ALPK2: variants seen among roughly 807,000 people sequenced by gnomAD.
ALPK2 encodes alpha kinase 2.
In ALPK2, 127 loss-of-function variants were observed where a neutral mutation model predicts 163.1. The ratio of observed to expected loss-of-function variants is 0.78; its 90% confidence interval spans 0.67 to 0.90. The LOEUF (loss-of-function observed/expected upper bound fraction) is 0.90. ALPK2 is among the 40% of genes least tolerant of loss of function. The pLI is 0.00. For missense variants in ALPK2, 2,360 were observed against 2,589.6 expected (o/e 0.91, Z 1.92); for synonymous variants, 953 against 959.1 (o/e 0.99, Z 0.12).
At chr18:58,493,280 T>C (rs1332625634) in intron 12 of ALPK2, among the ~76,000 whole-genome samples, 1 of 152,174 alleles carries the variant, frequency 6.6e-6, no homozygotes, top group Non-Finnish European at 1.5e-5. Context: ...CATCAGGAAT[T>C]CTGTTCCAAT....
At chr18:58,567,953 C>A (rs1385999099) in intron 4 of ALPK2, among the ~76,000 whole-genome samples, 2 of 152,152 alleles carry the variant, frequency 1.3e-5, no homozygotes, top group Non-Finnish European at 1.5e-5. Context: ...GGTCTCCGCA[C>A]CCTCAAGCTG....
At chr18:58,618,270 CT>C (rs1346011007) in intron 1 of ALPK2, among the ~76,000 whole-genome samples, 1 of 152,168 alleles carries the variant, frequency 6.6e-6, no homozygotes, top group Non-Finnish European at 1.5e-5. Flanking sequence ...TGGTCTCGAA[CT>C]CCTGACCTCA....
intron 10 of ALPK2, among the ~76,000 whole-genome samples, chr18:58,508,056 C>T (rs2051470392): frequency 6.6e-6 from 1 of 152,188 alleles, no homozygotes; most frequent in East Asian, 1.9e-4. Context: ...GATGGATCAG[C>T]TGGTACCACC....
intron 3 of ALPK2, among the ~76,000 whole-genome samples, chr18:58,604,463 G>A (rs927120428): frequency 2.0e-5 from 3 of 152,164 alleles, no homozygotes; most frequent in Admixed American, 2.0e-4. Flanking sequence ...GGAATCACCT[G>A]GGATTCCGAT....
chr18:58,502,856 C>T (rs887315478), intron 11 of ALPK2, among the ~76,000 whole-genome samples: 4 of 152,222 alleles, frequency 2.6e-5, no homozygotes, highest in African/African-American at 9.7e-5. Context: ...AGGTAATGCC[C>T]CCACCCAGAG....
chr18:58,529,864 T>C (rs1157070598), intron 5 of ALPK2, among the ~76,000 whole-genome samples: 2 of 152,316 alleles, frequency 1.3e-5, no homozygotes, highest in Middle Eastern at 3.4e-3. Flanking sequence ...CTTTGAAATA[T>C]CACCTCAGTA....
At chr18:58,531,620 G>A (rs1030142271) in intron 5 of ALPK2, among the ~76,000 whole-genome samples, 5 of 125,264 alleles carry the variant, frequency 4.0e-5, no homozygotes, top group Admixed American at 9.9e-5. Context: ...CTAGAAAACC[G>A]TAACGAACAA....
chr18:58,537,401 T>C lies in ALPK2; in HGVS notation c.2786A>G (p.Gln929Arg). 1 of 1,613,864 alleles carries C rather than the reference T, an allele frequency of 6.2e-7. No homozygotes were observed. The highest frequency in any genetic ancestry group is 1.3e-5 in the African/African-American group (1 of 75,052). Residue 929 changes from glutamine (Q) to arginine (R), a missense_variant, in exon 5 of 13, where the codon CAG (glutamine) becomes CGG (arginine). Coordinates refer to ENST00000361673, the MANE Select transcript of ALPK2 (RefSeq NM_052947.4). Reference sequence around the variant, plus strand: ...TGAGTTGCTGGGGCTTGGCTGCTCCTGGCCAGCATGTACTGTGGAGGCCAG... The same window carrying C: ...TGAGTTGCTGGGGCTTGGCTGCTCCCGGCCAGCATGTACTGTGGAGGCCAG... ...YPLASTVHAG[Q>R]EQPSPSNSGG...
intron 11 of ALPK2, among the ~76,000 whole-genome samples, chr18:58,500,822 A>C (rs772401452): frequency 6.6e-6 from 1 of 151,842 alleles, no homozygotes; most frequent in Non-Finnish European, 1.5e-5. Context: ...CAAGGTCTTG[A>C]GTTTTTTGGG....
At chr18:58,504,190 T>A (rs368838318) in intron 10 of ALPK2, 42 bp from the exon 11 acceptor site, 29 of 1,528,370 alleles carry the variant, frequency 1.9e-5, no homozygotes, top group Non-Finnish European at 2.5e-5. Context: ...AGGTCTCTAC[T>A]GGGAAGAGAG....
chr18:58,551,918 T>G (rs2051762164), intron 4 of ALPK2, among the ~76,000 whole-genome samples: 1 of 152,172 alleles, frequency 6.6e-6, no homozygotes, highest in Non-Finnish European at 1.5e-5. Context: ...TTCTGCTATC[T>G]CCTTATGAAG....
intron 4 of ALPK2, among the ~76,000 whole-genome samples, chr18:58,559,279 C>T (rs182192076): frequency 6.6e-6 from 1 of 152,246 alleles, no homozygotes; most frequent in East Asian, 1.9e-4. Context: ...GCCGGGGATG[C>T]TGCTAAACAT....
At chr18:58,569,194 C>A (rs2051872290) in intron 4 of ALPK2, among the ~76,000 whole-genome samples, 1 of 152,070 alleles carries the variant, frequency 6.6e-6, no homozygotes, top group African/African-American at 2.4e-5. Flanking sequence ...TGACAGAGAC[C>A]CAGTCTTGGG....
At chr18:58,538,571 T>C (rs1602208192) in intron 4 of ALPK2, 1 of 226,054 alleles carries the variant, frequency 4.4e-6, no homozygotes, top group East Asian at 1.0e-4. Flanking sequence ...ACAAGAGCTG[T>C]GCGCATCTTT....
At chr18:58,495,984 C>T (rs2051399099) in intron 12 of ALPK2, among the ~76,000 whole-genome samples, 1 of 152,166 alleles carries the variant, frequency 6.6e-6, no homozygotes, top group Non-Finnish European at 1.5e-5. Context: ...AGGAAGGCTC[C>T]GTTTGGAAAA....
intron 4 of ALPK2, among the ~76,000 whole-genome samples, chr18:58,551,552 C>A (rs1387401066): frequency 7.2e-5 from 11 of 152,206 alleles, no homozygotes; most frequent in Non-Finnish European, 7.3e-5. Context: ...GAACACGATT[C>A]AACCCACTAA....
intron 2 of ALPK2, among the ~76,000 whole-genome samples, chr18:58,608,957 CAA>C (rs1003841164): frequency 6.0e-5 from 7 of 117,038 alleles, no homozygotes; most frequent in Admixed American, 9.3e-5. Context: ...GACCTTGTCT[CAA>C]AAAAAAAAAA....
chr18:58,517,257 G>T lies in ALPK2; in HGVS notation c.5666-75C>A, dbSNP rs1014069292. 5.4e-6 allele frequency: 8 copies of T among 1,493,608 alleles called. No individual in the cohort carries two copies. In the African/African-American group the frequency reaches 1.1e-4, roughly 21 times the overall value. The allele number at this position is 1,493,608 out of a possible 1,614,324, so 92.5% of individuals were successfully genotyped here. The stretch of plus-strand genomic sequence containing the variant: ...CCTTGGCTAACTCCACATGGGGAGG[G>T]TCCCCACATAAGGACAATGACAAGG... On this transcript the variant is annotated intron_variant, in intron 8 of 12. Coordinates refer to ENST00000361673, the MANE Select transcript of ALPK2 (RefSeq NM_052947.4).
chr18:58,586,974 G>T (rs568519924), intron 3 of ALPK2, among the ~76,000 whole-genome samples: 5 of 152,124 alleles, frequency 3.3e-5, no homozygotes, highest in African/African-American at 1.2e-4. Flanking sequence ...CATGTCCAGT[G>T]CATGTGCTTA....
Sources: allele counts gnomAD v4.1 joint callset (sites outside exome capture counted in the v4.1 genomes callset), GRCh38; gene constraint gnomAD v4.1.1; transcripts MANE v1.5; gene names NCBI Gene and HGNC (gene_info 2026-07-23, HGNC 2026-07-21).